Variants in KRT75 observed in about 807,000 individuals in gnomAD.
KRT75 encodes the protein keratin 75.
In KRT75, 35 loss-of-function variants were observed where a neutral mutation model predicts 48.8. The ratio of observed to expected loss-of-function variants is 0.72; its 90% CI spans 0.55 to 0.95. The LOEUF is 0.95. KRT75 is among the 40% of genes least tolerant of loss of function. KRT75 has a pLI of 0.00. For missense variants in KRT75, 776 were observed against 709.9 expected, an observed-to-expected ratio of 1.09 and a Z score of -1.06; for synonymous variants, 301 against 282.3, an observed-to-expected ratio of 1.07 and a Z score of -0.66.
intron 1 of KRT75, among the ~76,000 whole-genome samples, 153 bp downstream of exon 1, chr12:52,433,654 G>A (rs77565051): frequency 9.1e-4 from 139 of 152,332 alleles, no homozygotes; most frequent in African/African-American, 3.2e-3. Flanking sequence ...AAGCTGGCCT[G>A]ACTTGGAAGG....
chr12:52,428,159 G>T, intron 7 of KRT75, 97 bp downstream of exon 7: 2 of 1,459,710 alleles, frequency 1.4e-6, no homozygotes, highest in Non-Finnish European at 1.9e-6. Context: ...TCTTCCAGGA[G>T]AAGAAGGGGC....
At position 52,430,678 on chromosome 12, in the gene KRT75, C is replaced by T. The variant is rs368136976; in HGVS notation, c.898G>A (p.Gly300Ser). The T allele has an allele frequency of 1.3e-5, 21 of 1,614,012 alleles. No homozygotes were observed. The African/African-American group carries it at 2.3e-4, about 17-fold the overall frequency. ...ATGGACAGCACCACGGATGTGTCAC[C>T]GACCTGGGTCTGCAACTGGGACAGC... is the stretch of plus-strand genomic sequence containing the variant. The part of the protein sequence containing the change: ...AELSQLQTQV[G>S]DTSVVLSMDN... Residue 300 changes from glycine to serine, a missense_variant, in exon 5 of 9, where the codon GGT (glycine) becomes AGT (serine). By Grantham distance (56) the Gly-to-Ser change is moderately conservative (BLOSUM62 0). Transcript: ENST00000252245.
chr12:52,433,183 T>C lies in KRT75; in HGVS notation c.568A>G (p.Arg190Gly). ...GGCTCTAGGTTCTGCCTCACAGTCC[T>C]GGAGCCCTGCTCCTGCAGGAGGGCC... ...KWALLQEQGS[R>G]TVRQNLEPLF... The change falls in exon 2 of 9, where the codon AGG (arginine) becomes GGG (glycine). Residue 190 changes from arginine to glycine, a missense_variant. Physicochemically the swap from Arg to Gly is moderately radical, Grantham distance 125. Transcript: ENST00000252245. 6.2e-7 allele frequency: 1 copy of C among 1,614,124 alleles called. No homozygotes were observed. Among genetic ancestry groups the C allele is most frequent in the Non-Finnish European group, 8.5e-7 (1 of 1,180,026 alleles).
chr12:52,430,821 C>T (rs1940135803), intron 4 of KRT75, 116 bp from the exon 5 acceptor site: 1 of 1,127,922 alleles, frequency 8.9e-7, no homozygotes, highest in Non-Finnish European at 1.3e-6. Context: ...GCAGATTCTC[C>T]CAGCTATTCC....
At chr12:52,427,169 A>G (rs1940085223) in intron 7 of KRT75, among the ~76,000 whole-genome samples, 1 of 152,236 alleles carries the variant, frequency 6.6e-6, no homozygotes, top group Admixed American at 6.5e-5. Context: ...AACTGGAAAG[A>G]AGGGCCTGTC....
rs373116171 is a variant in KRT75, at chr12:52,428,355, G to A, written c.1283C>T (p.Ala428Val). The change falls in exon 7 of 9, where the codon GCT (alanine) becomes GTT (valine). Residue 428 changes from alanine (A) to valine (V), a missense_variant. By Grantham distance (64) the Ala-to-Val change is moderately conservative (BLOSUM62 0). Coordinates refer to ENST00000252245, the MANE Select transcript of KRT75 (RefSeq NM_004693.3). ...CTCCTGGTACTCACGCAGGAGCCGA[G>A]CCATGTCCTGCTTGGCCTTCTGCAG... ...EALQKAKQDM[A>V]RLLREYQELM... 6.2e-7 allele frequency: 1 copy of A among 1,614,180 alleles called. No individual in the cohort carries two copies. The highest frequency in any genetic ancestry group is 1.1e-5 in the South Asian group (1 of 91,082).
chr12:52,424,741 T>A lies in KRT75; in HGVS notation c.1432A>T (p.Thr478Ser), dbSNP rs964010322. The A allele has an allele frequency of 6.2e-7, 1 of 1,611,858 alleles. No homozygotes were observed. The highest frequency in any genetic ancestry group is 8.5e-7 in the Non-Finnish European group (1 of 1,179,112). ...CCGCTTCCATAGCCACTGGAAAGAGTAGAGGTGACCACAGCTGCCGGGAAG... is the reference window on the plus strand; with the variant it reads ...CCGCTTCCATAGCCACTGGAAAGAGAAGAGGTGACCACAGCTGCCGGGAAG... Reference protein sequence around the residue: ...SPVNISVVTSTLSSGYGSGSS... With the variant: ...SPVNISVVTSSLSSGYGSGSS... The change falls in exon 9 of 9, where the codon ACT becomes TCT. Residue 478 changes from threonine (T) to serine (S), a missense_variant. Thr to Ser is a moderately conservative substitution (Grantham distance 58). Coordinates refer to ENST00000252245, the MANE Select transcript of KRT75 (RefSeq NM_004693.3).
chr12:52,431,338 G>A (rs544957917), intron 4 of KRT75, among the ~76,000 whole-genome samples: 53 of 152,218 alleles, frequency 3.5e-4, no homozygotes, highest in African/African-American at 1.0e-3. Context: ...AAGGGAGTTC[G>A]GGGGAGAAGC....
chr12:52,431,686 T>C (rs752864862), intron 3 of KRT75, 48 bp from the exon 4 acceptor site: 12 of 1,348,160 alleles, frequency 8.9e-6, no homozygotes, highest in Non-Finnish European at 1.2e-5. Context: ...GCCCCAAGTA[T>C]CTAGTCCAAA....
At chr12:52,431,007 G>A (rs989492311) in intron 4 of KRT75, among the ~76,000 whole-genome samples, 3 of 152,078 alleles carry the variant, frequency 2.0e-5, no homozygotes, top group Non-Finnish European at 4.4e-5. Flanking sequence ...CAACATAAAC[G>A]GCTTCTTTAA....
At chr12:52,428,984 T>A (rs1382714599) in intron 5 of KRT75, among the ~76,000 whole-genome samples, 1 of 151,420 alleles carries the variant, frequency 6.6e-6, no homozygotes, top group Non-Finnish European at 1.5e-5. Context: ...CCTGGGAGAG[T>A]GTAATGAAGG....
chr12:52,430,064 T>C (rs396831), intron 5 of KRT75, among the ~76,000 whole-genome samples: 94,928 of 152,016 alleles, frequency 0.62, 29,879 homozygotes, highest in Middle Eastern at 0.71. Context: ...AAAGCCCCCA[T>C]GTCTTCCTGG....
Position 52,433,080 on chromosome 12 carries a change from T to G in KRT75, c.671A>C (p.Glu224Ala). The change falls in exon 2 of 9, where the codon GAA (glutamate) becomes GCA (alanine). Residue 224 changes from glutamate to alanine, a missense_variant. Physicochemically the swap from Glu to Ala is moderately radical, Grantham distance 107. Coordinates refer to ENST00000252245, the MANE Select transcript of KRT75 (RefSeq NM_004693.3). The stretch of plus-strand genomic sequence containing the variant: ...CACAACATCCTGCATGTTCCTCAGT[T>G]CAGCTTCAAGCCTGCCCCTCTCGGT... ...ITTERGRLEA[E>A]LRNMQDVVED... 6.2e-7 allele frequency: 1 copy of G among 1,613,758 alleles called. No individual in the cohort carries two copies. Among genetic ancestry groups the G allele is most frequent in the Non-Finnish European group, 8.5e-7 (1 of 1,179,948 alleles).
At chr12:52,431,408 C>T in intron 4 of KRT75, 135 bp downstream of exon 4, 2 of 753,440 alleles carry the variant, frequency 2.7e-6, no homozygotes, top group Non-Finnish European at 4.7e-6. Flanking sequence ...GGTCCCCCTA[C>T]CACCCAAGCC....
Position 52,430,541 on chromosome 12 carries a change from C to T in KRT75, c.1035G>A (p.Lys345=). 3 of 1,614,118 alleles carry T rather than the reference C, an allele frequency of 1.9e-6. No homozygotes were observed. The highest frequency in any genetic ancestry group is 2.5e-6 in the Non-Finnish European group (3 of 1,179,972). The part of the protein sequence containing the change: ...RAEAESWYQT[K]YEELQVTAGR... ...CTCTCATGGAGGTGTCCATGCTCAC[C>T]TTGGTCTGGTACCAGGACTCAGCCT... The change falls in exon 5 of 9, where the codon AAG becomes AAA. Residue 345 remains lysine, a splice_region_variant and synonymous_variant. Coordinates refer to ENST00000252245, the MANE Select transcript of KRT75 (RefSeq NM_004693.3).
At chr12:52,433,656 C>T (rs1450642023) in intron 1 of KRT75, 151 bp downstream of exon 1, 9 of 1,266,206 alleles carry the variant, frequency 7.1e-6, no homozygotes, top group East Asian at 7.1e-5. Context: ...GCTGGCCTGA[C>T]TTGGAAGGGT....
At chr12:52,426,765 A>AT in intron 8 of KRT75, 52 bp downstream of exon 8, 1 of 1,576,572 alleles carries the variant, frequency 6.3e-7, no homozygotes, top group South Asian at 1.1e-5. Flanking sequence ...CCACATCCCC[A>AT]TCCCCTCTAC....
rs764819403 is a variant in KRT75, at chr12:52,428,325, A to G, written c.1313T>C (p.Met438Thr). ...ARLLREYQEL[M>T]NIKLALDVEI... is the part of the protein sequence containing the mutation. ...CACGTCCAGGGCCAGCTTGATGTTC[A>G]TCAGCTCCTGGTACTCACGCAGGAG... The change falls in exon 7 of 9, where the codon ATG (methionine) becomes ACG (threonine). Residue 438 changes from methionine to threonine, a missense_variant. By Grantham distance (81) the Met-to-Thr change is moderately conservative (BLOSUM62 -1). Transcript: ENST00000252245. 45 of 1,613,910 alleles carry G rather than the reference A, an allele frequency of 2.8e-5. No homozygotes were observed. Among genetic ancestry groups the G allele is most frequent in the East Asian group, 8.9e-5 (4 of 44,868 alleles).
In KRT75 at chr12:52,434,094, C is replaced by T. The variant is rs1468115126; in HGVS notation, c.211G>A (p.Val71Ile). The T allele has an allele frequency of 8.1e-6, 13 of 1,614,056 alleles. No individual in the cohort carries two copies. Among genetic ancestry groups the T allele is most frequent in the Non-Finnish European group, 1.1e-5 (13 of 1,180,038 alleles). ...SLYNLGGAKR[V>I]SINGCGSSCR... is the part of the protein sequence containing the mutation. ...CTGCTGCCACACCCATTGATGGAGA[C>T]CCGCTTGGCACCCCCCAGGTTGTAG... is the stretch of plus-strand genomic sequence containing the variant. The change falls in exon 1 of 9, where the codon GTC becomes ATC. Residue 71 changes from valine to isoleucine, a missense_variant. Coordinates refer to ENST00000252245, the MANE Select transcript of KRT75 (RefSeq NM_004693.3).
Sources: allele counts gnomAD v4.1 joint callset (sites outside exome capture counted in the v4.1 genomes callset), GRCh38; gene constraint gnomAD v4.1.1; transcripts MANE v1.5; gene names NCBI Gene and HGNC (gene_info 2026-07-23, HGNC 2026-07-21).